WIF1: variants seen among roughly 807,000 people sequenced by gnomAD.
WIF1 encodes the protein Wnt inhibitory factor 1.
A neutral mutation model predicts 53.5 loss-of-function variants in WIF1; 35 were observed. The ratio of observed to expected loss-of-function variants is 0.65; its 90% CI spans 0.50 to 0.87. WIF1 has a LOEUF of 0.87. Among genes scored for constraint, WIF1 ranks in the 40% least tolerant of loss-of-function variants. WIF1 has a pLI of 0.00. For missense variants in WIF1, 467 were observed against 476.8 expected (o/e 0.98, Z 0.19); for synonymous variants, 171 against 170.4 (o/e 1.00, Z -0.03).
At chr12:65,103,361 G>C (rs1214006520) in intron 2 of WIF1, among the ~76,000 whole-genome samples, 4 of 152,192 alleles carry the variant, frequency 2.6e-5, no homozygotes, top group Admixed American at 2.6e-4. Flanking sequence ...CATCATTACT[G>C]TTAGCAGAAT....
intron 9 of WIF1, among the ~76,000 whole-genome samples, chr12:65,053,005 A>AT (rs1882464063): frequency 6.6e-6 from 1 of 152,078 alleles, no homozygotes; most frequent in Admixed American, 6.5e-5. Flanking sequence ...AGGCTTGAGG[A>AT]TTTTTTAGTT....
At chr12:65,083,228 G>A (rs965363003) in intron 2 of WIF1, among the ~76,000 whole-genome samples, 3 of 152,130 alleles carry the variant, frequency 2.0e-5, no homozygotes, top group East Asian at 1.9e-4. Flanking sequence ...AAAATAGATC[G>A]TACGCTGTAA....
At chr12:65,116,889 C>T (rs1195980252) in intron 2 of WIF1, among the ~76,000 whole-genome samples, 6 of 141,142 alleles carry the variant, frequency 4.3e-5, no homozygotes, top group Non-Finnish European at 9.1e-5. Flanking sequence ...GCCAAGATCA[C>T]CCCACTACAC....
intron 9 of WIF1, 121 bp from the exon 10 acceptor site, chr12:65,051,591 T>C (rs1882443067): frequency 2.4e-6 from 3 of 1,262,484 alleles, no homozygotes; most frequent in Non-Finnish European, 3.1e-6. Context: ...AAAACCGCAA[T>C]GACCACAAAA....
At chr12:65,117,791 A>G (rs1477154955) in intron 2 of WIF1, among the ~76,000 whole-genome samples, 1 of 152,136 alleles carries the variant, frequency 6.6e-6, no homozygotes. Context: ...CGCATGTGCA[A>G]TTCACAATAG....
chr12:65,082,321 G>A lies in WIF1; in HGVS notation c.289-4467C>T, dbSNP rs1006791434. 6.6e-5 allele frequency among the ~76,000 whole-genome samples: 10 copies of A among 152,136 alleles called. No homozygotes were observed. The East Asian group carries it at 1.9e-3, about 29-fold the overall frequency. On this transcript the variant is annotated intron_variant, in intron 2 of 9. Coordinates refer to ENST00000286574, the MANE Select transcript of WIF1 (RefSeq NM_007191.5). Reference sequence around the variant, plus strand: ...ATTATTTAGATAAAAGGAACTCAGAGCATGAACAGTAATAGAGAAATGGTA... The same window carrying A: ...ATTATTTAGATAAAAGGAACTCAGAACATGAACAGTAATAGAGAAATGGTA...
At chr12:65,071,237 A>C (rs1882769256) in intron 3 of WIF1, among the ~76,000 whole-genome samples, 1 of 149,690 alleles carries the variant, frequency 6.7e-6, no homozygotes, top group Admixed American at 6.6e-5. Flanking sequence ...CCATCAAAAA[A>C]AAAAAAAAAA....
At chr12:65,081,043 T>C (rs921818354) in intron 2 of WIF1, among the ~76,000 whole-genome samples, 3 of 152,046 alleles carry the variant, frequency 2.0e-5, no homozygotes, top group East Asian at 1.9e-4. Context: ...GAATTGATGG[T>C]GATTTTTTTT....
chr12:65,080,598 C>T (rs911612911), intron 2 of WIF1, among the ~76,000 whole-genome samples: 3 of 152,136 alleles, frequency 2.0e-5, no homozygotes, highest in Non-Finnish European at 4.4e-5. Context: ...ACATACTGTT[C>T]TAAAACGTAT....
chr12:65,116,198 C>T (rs968949151), intron 2 of WIF1, among the ~76,000 whole-genome samples: 15 of 152,090 alleles, frequency 9.9e-5, no homozygotes, highest in Non-Finnish European at 1.5e-5. Flanking sequence ...ATATTATACA[C>T]CAGGGGTCCC....
chr12:65,052,120 T>A (rs1367697961), intron 9 of WIF1, among the ~76,000 whole-genome samples: 1 of 152,136 alleles, frequency 6.6e-6, no homozygotes, highest in African/African-American at 2.4e-5. Context: ...TCTTCCTACT[T>A]GGGGTGATGC....
intron 2 of WIF1, among the ~76,000 whole-genome samples, chr12:65,087,157 A>T (rs1285733103): frequency 6.6e-6 from 1 of 152,160 alleles, no homozygotes; most frequent in Non-Finnish European, 1.5e-5. Flanking sequence ...CGCGGGGGAA[A>T]AAATAAAACA....
chr12:65,119,516 GT>G (rs1450849552), intron 2 of WIF1, among the ~76,000 whole-genome samples: 2 of 152,260 alleles, frequency 1.3e-5, no homozygotes, highest in African/African-American at 4.8e-5. Flanking sequence ...TTTATAAAGT[GT>G]TTTCGGTATC....
chr12:65,062,923 A>T (rs764186483), intron 6 of WIF1, among the ~76,000 whole-genome samples: 22 of 152,114 alleles, frequency 1.4e-4, no homozygotes, highest in Non-Finnish European at 2.9e-4. Flanking sequence ...TTTTTTTGTA[A>T]ACATCAGTTT....
chr12:65,096,445 A>T (rs1883206308), intron 2 of WIF1, among the ~76,000 whole-genome samples: 1 of 152,098 alleles, frequency 6.6e-6, no homozygotes, highest in African/African-American at 2.4e-5. Flanking sequence ...ACCATTGTGG[A>T]AAGACAGTGT....
intron 2 of WIF1, among the ~76,000 whole-genome samples, chr12:65,119,964 G>A (rs1264638213): frequency 6.6e-6 from 1 of 152,202 alleles, no homozygotes; most frequent in Admixed American, 6.5e-5. Flanking sequence ...TCACGTTCCA[G>A]TGAATAACAT....
chr12:65,060,226 C>T (rs1177913672), intron 7 of WIF1, among the ~76,000 whole-genome samples: 3 of 152,190 alleles, frequency 2.0e-5, no homozygotes, highest in Non-Finnish European at 2.9e-5. Flanking sequence ...GAAACGTCCA[C>T]ACAAGCATCT....
chr12:65,116,749 A>T (rs1047075914), intron 2 of WIF1, among the ~76,000 whole-genome samples: 1 of 151,652 alleles, frequency 6.6e-6, no homozygotes, highest in African/African-American at 2.4e-5. Context: ...CCTGGCCAAC[A>T]TGGTGAAACC....
intron 2 of WIF1, among the ~76,000 whole-genome samples, chr12:65,082,845 A>C (rs764821491): frequency 4.3e-4 from 65 of 152,192 alleles, no homozygotes; most frequent in African/African-American, 4.8e-5. Context: ...TTAATCTAAT[A>C]AGCACAATAA....
Sources: gnomAD v4.1 joint callset for allele counts (sites outside exome capture counted in the v4.1 genomes callset) on GRCh38, gnomAD v4.1.1 for gene constraint, MANE v1.5 for transcripts, NCBI Gene and HGNC (gene_info 2026-07-23, HGNC 2026-07-21) for gene names.